SARM1: variants seen among roughly 807,000 people sequenced by gnomAD.
SARM1 encodes the protein sterile alpha and TIR motif containing 1.
Under a neutral mutation model 65.1 loss-of-function variants are expected in SARM1, and 60 were observed. That is an observed-to-expected ratio of 0.92 (90% CI 0.75 to 1.14). SARM1 has a LOEUF of 1.14. Among genes scored for constraint, SARM1 ranks in the 50% most tolerant of loss-of-function variants. SARM1 has a pLI of 0.00. For synonymous variants in SARM1, 417 were observed against 465.4 expected, an observed-to-expected ratio of 0.90 and a Z score of 1.34; for missense variants, 913 against 1,015.7, an observed-to-expected ratio of 0.90 and a Z score of 1.37.
Position 28,396,055 on chromosome 17 carries a change from G to A in SARM1, c.2045+29G>A, listed in dbSNP as rs369610556. ...AGCCCCAGGGCCCTGGGACCAGGGG[G>A]GTAGGGTACAAATCACCATGACAGG... On this transcript the variant is annotated intron_variant, in intron 8 of 8. Coordinates refer to ENST00000585482, the MANE Select transcript of SARM1 (RefSeq NM_015077.4). 2.7e-5 allele frequency: 43 copies of A among 1,613,478 alleles called. 1 individual carries two copies. Among genetic ancestry groups the A allele is most frequent in the Non-Finnish European group, 3.5e-5 (41 of 1,179,700 alleles).
Position 28,376,517 on chromosome 17 carries a change from G to A in SARM1, c.470+4015G>A, listed in dbSNP as rs966255947. The stretch of plus-strand genomic sequence containing the variant: ...GAACCCAGGAGGTGGAGGTTGCAGC[G>A]AGCTGAGATTGCGCCACTGCACTCC... On this transcript the variant is annotated intron_variant, in intron 1 of 8. Coordinates refer to ENST00000585482, the MANE Select transcript of SARM1 (RefSeq NM_015077.4). Among the ~76,000 whole-genome samples the A allele has an allele frequency of 2.4e-4, 36 of 151,954 alleles. No homozygotes were observed. In the South Asian group the frequency reaches 3.3e-3, roughly 14 times the overall value.
Position 28,402,188 on chromosome 17 carries a change from G to A in SARM1, c.*5902G>A, listed in dbSNP as rs41297099. On this transcript the variant is annotated 3_prime_UTR_variant, in exon 9 of 9. Coordinates refer to ENST00000585482, the MANE Select transcript of SARM1 (RefSeq NM_015077.4). ...CCATGGCTGCCCATCAGCCCGTTTC[G>A]GGCAGCACTGGACATGAGGAACCAG... 156 of 1,525,148 alleles carry A rather than the reference G, an allele frequency of 1.0e-4. No individual in the cohort carries two copies. In the African/African-American group the frequency reaches 1.5e-3, roughly 15 times the overall value. The allele number at this position is 1,525,148 out of a possible 1,614,324, so 94.5% of individuals were successfully genotyped here. A position where few individuals can be genotyped will look rare whatever the true frequency, so the allele number is the denominator to read the frequency against.
At chr17:28,382,154 C>T (rs763503838) in intron 2 of SARM1, among the ~76,000 whole-genome samples, 3 of 146,606 alleles carry the variant, frequency 2.0e-5, no homozygotes, top group Non-Finnish European at 3.0e-5. Context: ...CAGGGGTGGG[C>T]GTTGGGGGAA....
In SARM1 at chr17:28,401,938, C is replaced by T. The variant is rs781787647; in HGVS notation, c.*5652C>T. 1 of 230,484 alleles carries T rather than the reference C, an allele frequency of 4.3e-6. No individual in the cohort carries two copies. The highest frequency in any genetic ancestry group is 2.3e-5 in the African/African-American group (1 of 44,202). The allele number at this position is 230,484 out of a possible 1,614,324, so 14.3% of individuals were successfully genotyped here. A position where few individuals can be genotyped will look rare whatever the true frequency, so the allele number is the denominator to read the frequency against. On this transcript the variant is annotated 3_prime_UTR_variant, in exon 9 of 9. Transcript: ENST00000585482. The stretch of plus-strand genomic sequence containing the variant: ...CAGGGAACTCTGGCATCACCACACC[C>T]ATCTTACAGACGGAAAAGCTGAGGT...
rs376577546 is a variant in SARM1 at position 28,381,704 on chromosome 17, C to G, written c.972C>G (p.Pro324=). 2 of 1,558,916 alleles carry G rather than the reference C, an allele frequency of 1.3e-6. No homozygotes were observed. Among genetic ancestry groups the G allele is most frequent in the Admixed American group, 1.9e-5 (1 of 52,468 alleles). The change falls in exon 2 of 9, where the codon CCC becomes CCG. Residue 324 remains proline (P), a synonymous_variant. Coordinates refer to ENST00000585482, the MANE Select transcript of SARM1 (RefSeq NM_015077.4). Reference sequence around the variant, plus strand: ...GCGACACAAGCCAGGGCCGCGGGCCCGACGACCTGCAGCGCCTCGTGCCGT... The same window carrying G: ...GCGACACAAGCCAGGGCCGCGGGCCGGACGACCTGCAGCGCCTCGTGCCGT... ...DASDTSQGRG[P]DDLQRLVPLL... is the part of the protein sequence containing the mutation.
At chr17:28,395,841 G>A in intron 7 of SARM1, 64 bp from the exon 8 acceptor site, 1 of 1,598,224 alleles carries the variant, frequency 6.3e-7, no homozygotes, top group Non-Finnish European at 8.5e-7. Context: ...CCCAGCACCT[G>A]CCTGGCTACA....
rs1406819336 is a variant in SARM1 at position 28,384,836 on chromosome 17, C to G, written c.1303-3C>G. ...CCTTCCTGACACCCGACTCCTCCCC[C>G]AGGAGCAGCAGGTGGATGGCGACCT... is the stretch of plus-strand genomic sequence containing the variant. On this transcript the variant is annotated splice_polypyrimidine_tract_variant and splice_region_variant and intron_variant, in intron 3 of 8. Coordinates refer to ENST00000585482, the MANE Select transcript of SARM1 (RefSeq NM_015077.4). This position sits in a 1 kb window ranked among gnomAD's most constrained non-coding sequence, Gnocchi z 4.4. 3.2e-6 allele frequency: 5 copies of G among 1,552,370 alleles called. No individual in the cohort carries two copies. Among genetic ancestry groups the G allele is most frequent in the Non-Finnish European group, 4.4e-6 (5 of 1,147,388 alleles).
chr17:28,372,163 C>T lies in SARM1; in HGVS notation c.131C>T (p.Ala44Val). ...GGCGGTGGCACGGGCCCATGGTGGGCTGCGGGTGGCCGCGGGCCCCGCGAA... is the reference window on the plus strand; with the variant it reads ...GGCGGTGGCACGGGCCCATGGTGGGTTGCGGGTGGCCGCGGGCCCCGCGAA... ...DGGGGTGPWWAAGGRGPREVS... is the reference protein window; with the variant it reads ...DGGGGTGPWWVAGGRGPREVS... The change falls in exon 1 of 9, where the codon GCT becomes GTT. Residue 44 changes from alanine to valine, a missense_variant. Transcript: ENST00000585482. This position sits in a 1 kb window ranked among gnomAD's most constrained non-coding sequence, Gnocchi z 5.2. 1 of 1,372,086 alleles carries T rather than the reference C, an allele frequency of 7.3e-7. No homozygotes were observed. Among genetic ancestry groups the T allele is most frequent in the South Asian group, 1.7e-5 (1 of 57,782 alleles). The allele number at this position is 1,372,086 out of a possible 1,614,324, so 85.0% of individuals were successfully genotyped here. A position where few individuals can be genotyped will look rare whatever the true frequency, so the allele number is the denominator to read the frequency against.
Position 28,372,644 on chromosome 17 carries a change from G to A in SARM1, c.470+142G>A. On this transcript the variant is annotated intron_variant, in intron 1 of 8. Coordinates refer to ENST00000585482, the MANE Select transcript of SARM1 (RefSeq NM_015077.4). The surrounding 1 kb of genome is among the most constrained non-coding windows in gnomAD (Gnocchi z 5.2). ...CTACATCTCTGTTAGGGGTCAGCCT[G>A]TCTGTTTCACAGATAAGGAAACTGA... 1.6e-6 allele frequency: 1 copy of A among 637,154 alleles called. No individual in the cohort carries two copies. 39.5% of individuals were successfully genotyped at this position (637,154 alleles called of 1,614,324 possible).
intron 2 of SARM1, among the ~76,000 whole-genome samples, chr17:28,383,653 C>G (rs1211571513): frequency 6.6e-6 from 1 of 152,184 alleles, no homozygotes. Context: ...AAAGACATCT[C>G]GAGTCCCACT....
intron 1 of SARM1, among the ~76,000 whole-genome samples, chr17:28,378,589 T>C (rs1597816690): frequency 6.6e-6 from 1 of 152,344 alleles, no homozygotes; most frequent in East Asian, 1.9e-4. Flanking sequence ...TTTCTTACTT[T>C]TTCCCACTCA....
intron 5 of SARM1, among the ~76,000 whole-genome samples, chr17:28,386,988 C>T (rs994725645): frequency 2.0e-5 from 3 of 152,174 alleles, no homozygotes; most frequent in Non-Finnish European, 2.9e-5. Flanking sequence ...ATCTTCCCAA[C>T]TTAGCCTCCC....
intron 7 of SARM1, among the ~76,000 whole-genome samples, chr17:28,391,484 G>A (rs1482277117): frequency 3.3e-5 from 5 of 152,278 alleles, no homozygotes; most frequent in African/African-American, 1.2e-4. Context: ...CAGAGGCCAT[G>A]TAGGAGGGGC....
rs781855453 is a variant in SARM1, at chr17:28,399,625, C to T, written c.*3339C>T. The T allele has an allele frequency of 7.4e-5, 120 of 1,613,212 alleles. No homozygotes were observed. Among genetic ancestry groups the T allele is most frequent in the Non-Finnish European group, 1.0e-4 (118 of 1,179,356 alleles). ...CAGTTGCTTGGTGTTCACTTTGCTC[C>T]TCTTGCCCTCTGTCTTCTGGTCCAG... On this transcript the variant is annotated 3_prime_UTR_variant, in exon 9 of 9. Coordinates refer to ENST00000585482, the MANE Select transcript of SARM1 (RefSeq NM_015077.4).
intron 7 of SARM1, among the ~76,000 whole-genome samples, chr17:28,391,574 G>A (rs1161003075): frequency 6.6e-6 from 1 of 152,042 alleles, no homozygotes; most frequent in Admixed American, 6.6e-5. Flanking sequence ...CCCAGAGCAC[G>A]TGGCAGGCAG....
In SARM1 at chr17:28,399,553, A is replaced by T; in HGVS notation, c.*3267A>T. 1 of 1,214,496 alleles carries T rather than the reference A, an allele frequency of 8.2e-7. No individual in the cohort carries two copies. The allele number at this position is 1,214,496 out of a possible 1,614,324, so 75.2% of individuals were successfully genotyped here. On this transcript the variant is annotated 3_prime_UTR_variant, in exon 9 of 9. Coordinates refer to ENST00000585482, the MANE Select transcript of SARM1 (RefSeq NM_015077.4). ...TCCAAAGAGAGCACTGCCCTTAGAC[A>T]AGAGTTGCTTGTCCTGCTGTGGGCT...
At chr17:28,387,269 G>C (rs537007010) in intron 5 of SARM1, among the ~76,000 whole-genome samples, 3 of 146,760 alleles carry the variant, frequency 2.0e-5, no homozygotes, top group African/African-American at 7.6e-5. Context: ...GTCTCACTCT[G>C]TCGCCCAGGC....
intron 1 of SARM1, among the ~76,000 whole-genome samples, chr17:28,377,798 A>G (rs1330962835): frequency 6.6e-6 from 1 of 152,134 alleles, no homozygotes. Flanking sequence ...CCTGGGTTCA[A>G]GTGTTTCTCC....
chr17:28,376,204 T>C (rs1022691922), intron 1 of SARM1, among the ~76,000 whole-genome samples: 1 of 152,010 alleles, frequency 6.6e-6, no homozygotes, highest in Non-Finnish European at 1.5e-5. Context: ...TAGGTCTGAA[T>C]TGATATGTTC....
Sources: allele counts gnomAD v4.1 joint callset (sites outside exome capture counted in the v4.1 genomes callset), GRCh38; gene constraint gnomAD v4.1.1; non-coding constraint Gnocchi (gnomAD v3.1); transcripts MANE v1.5; gene names NCBI Gene and HGNC (gene_info 2026-07-23, HGNC 2026-07-21).